TBC1D8: variants seen among roughly 807,000 people sequenced by gnomAD.
TBC1D8 encodes the protein TBC1 domain family member 8.
In TBC1D8, 65 loss-of-function variants were observed where a neutral mutation model predicts 118.8. The ratio of observed to expected loss-of-function variants is 0.55; its 90% CI spans 0.45 to 0.67. TBC1D8 has a LOEUF of 0.67. Among genes scored for constraint, TBC1D8 ranks in the 30% least tolerant of loss-of-function variants. TBC1D8 has a pLI of 0.00. For synonymous variants in TBC1D8, 566 were observed against 595.8 expected, an observed-to-expected ratio of 0.95 and a Z score of 0.73; for missense variants, 1,376 against 1,471.2, an observed-to-expected ratio of 0.94 and a Z score of 1.06.
At chr2:101,014,837 C>T (rs1656930918) in intron 17 of TBC1D8, among the ~76,000 whole-genome samples, 1 of 152,194 alleles carries the variant, frequency 6.6e-6, no homozygotes, top group African/African-American at 2.4e-5. Flanking sequence ...ACTTGAGTGC[C>T]AAACTTCTCT....
Position 101,038,410 on chromosome 2 carries a change from C to T in TBC1D8, c.1275+51G>A, listed in dbSNP as rs1393188264. 31 of 1,587,476 alleles carry T rather than the reference C, an allele frequency of 2.0e-5. No homozygotes were observed. In the East Asian group the frequency reaches 7.0e-4, roughly 36 times the overall value. ...CCCATGTGTACTCCCCTTTGGAGAC[C>T]ACGGCCTGAGACATGAAGAAGGGGA... On this transcript the variant is annotated intron_variant, in intron 7 of 19. Coordinates refer to ENST00000409318, the MANE Select transcript of TBC1D8 (RefSeq NM_001330348.2).
chr2:101,146,640 A>G (rs1679328064), intron 1 of TBC1D8, among the ~76,000 whole-genome samples: 2 of 152,202 alleles, frequency 1.3e-5, no homozygotes, highest in South Asian at 2.1e-4. Flanking sequence ...TGATGTTTCA[A>G]TACTCATATA....
intron 1 of TBC1D8, among the ~76,000 whole-genome samples, chr2:101,127,862 G>A (rs1019250647): frequency 2.0e-5 from 3 of 152,110 alleles, no homozygotes; most frequent in African/African-American, 4.8e-5. Context: ...TCTACCCTTC[G>A]GGAGCCTAGG....
intron 1 of TBC1D8, among the ~76,000 whole-genome samples, chr2:101,103,076 C>T (rs1676960614): frequency 6.6e-6 from 1 of 151,886 alleles, no homozygotes; most frequent in Admixed American, 6.6e-5. Context: ...AAGGAAACTA[C>T]AGACTAATAG....
At chr2:101,150,673 T>A (rs1679518076) in intron 1 of TBC1D8, among the ~76,000 whole-genome samples, 1 of 152,242 alleles carries the variant, frequency 6.6e-6, no homozygotes, top group Admixed American at 6.5e-5. Context: ...CCCGCGCGCA[T>A]CGCCGCGCGC....
At chr2:101,022,668 AC>A in intron 15 of TBC1D8, 147 bp from the exon 16 acceptor site, 1 of 1,218,392 alleles carries the variant, frequency 8.2e-7, no homozygotes. Flanking sequence ...TGACATCCTT[AC>A]CCACATGAAC....
At chr2:101,104,698 G>C (rs765908251) in intron 1 of TBC1D8, among the ~76,000 whole-genome samples, 1 of 152,146 alleles carries the variant, frequency 6.6e-6, no homozygotes, top group Non-Finnish European at 1.5e-5. Flanking sequence ...ATAAACCTAC[G>C]TGTAAAACAG....
At chr2:101,056,037 TTC>T (rs1485351840) in intron 3 of TBC1D8, among the ~76,000 whole-genome samples, 1 of 145,000 alleles carries the variant, frequency 6.9e-6, no homozygotes, top group Admixed American at 6.8e-5. Flanking sequence ...TTATTAACAT[TTC>T]TCTTTTTTTT....
intron 17 of TBC1D8, chr2:101,019,312 G>T: frequency 3.2e-6 from 1 of 309,144 alleles, no homozygotes; most frequent in Non-Finnish European, 5.9e-6. Context: ...TATACTTCCT[G>T]ATCTGTGATT....
chr2:101,094,368 A>T (rs1443271919), intron 1 of TBC1D8, among the ~76,000 whole-genome samples: 2 of 152,168 alleles, frequency 1.3e-5, no homozygotes, highest in Non-Finnish European at 2.9e-5. Context: ...GTTGCAGGGG[A>T]TTGATAAAAC....
intron 1 of TBC1D8, among the ~76,000 whole-genome samples, chr2:101,099,063 A>C (rs1449133031): frequency 2.6e-5 from 4 of 152,040 alleles, no homozygotes; most frequent in Non-Finnish European, 4.4e-5. Flanking sequence ...AAAAAAAAAA[A>C]AAATCTATGA....
At chr2:101,036,229 G>A (rs549584268) in intron 8 of TBC1D8, 61 bp from the exon 9 acceptor site, 473 of 1,576,320 alleles carry the variant, frequency 3.0e-4, no homozygotes, top group Non-Finnish European at 3.8e-4. Context: ...CCCACCCACC[G>A]ATGCACCGCT....
At chr2:101,019,020 A>G (rs373067797) in intron 17 of TBC1D8, 3 of 1,612,384 alleles carry the variant, frequency 1.9e-6, no homozygotes, top group Non-Finnish European at 2.5e-6. Flanking sequence ...ACAGTGTTAC[A>G]GTCGCCAAGA....
In TBC1D8 at chr2:101,054,319, C is replaced by G; in HGVS notation, c.420G>C (p.Glu140Asp). The change falls in exon 4 of 20, where the codon GAG (glutamate) becomes GAC (aspartate). Residue 140 changes from glutamate (E) to aspartate (D), a missense_variant. By Grantham distance (45) the Glu-to-Asp change is conservative. Transcript: ENST00000409318. ...KGKVKALIAE[E>D]TSSRLAEQEE... ...CCTGCTCGGCGAGCCTGCTGCTGGT[C>G]TCCTCGGCTATCAGAGCCTGACACA... 2 of 1,565,318 alleles carry G rather than the reference C, an allele frequency of 1.3e-6. No homozygotes were observed. Among genetic ancestry groups the G allele is most frequent in the Non-Finnish European group, 1.7e-6 (2 of 1,154,284 alleles).
In TBC1D8 at chr2:101,017,726, T is replaced by C. The variant is rs929425638; in HGVS notation, c.2827+3955A>G. The C allele has an allele frequency of 3.2e-6, 3 of 947,512 alleles. No homozygotes were observed. In the African/African-American group the frequency reaches 4.9e-5, roughly 16 times the overall value. 58.7% of individuals were successfully genotyped at this position (947,512 alleles called of 1,614,324 possible). Reference sequence around the variant, plus strand: ...AACAGATATCCATGGTACATCACTTTATCACAGGCAAGATAGGGTCAAGTG... The same window carrying C: ...AACAGATATCCATGGTACATCACTTCATCACAGGCAAGATAGGGTCAAGTG... On this transcript the variant is annotated intron_variant, in intron 17 of 19. Transcript: ENST00000409318.
chr2:101,109,642 G>C (rs551619568), intron 1 of TBC1D8, among the ~76,000 whole-genome samples: 2 of 152,008 alleles, frequency 1.3e-5, no homozygotes, highest in Non-Finnish European at 2.9e-5. Flanking sequence ...TCCTACCCAC[G>C]TGCATGTTTT....
chr2:101,123,113 T>G (rs772037981), intron 1 of TBC1D8, among the ~76,000 whole-genome samples: 2 of 152,124 alleles, frequency 1.3e-5, no homozygotes, highest in East Asian at 3.9e-4. Context: ...GTGCGCACCT[T>G]GTAGTCCAAG....
chr2:101,050,740 G>C, intron 4 of TBC1D8, 99 bp from the exon 5 acceptor site: 1 of 1,442,704 alleles, frequency 6.9e-7, no homozygotes. Context: ...TTAGGCCGAT[G>C]TGTAAATGCC....
chr2:101,067,272 A>T (rs540624111), intron 2 of TBC1D8, among the ~76,000 whole-genome samples: 1 of 152,328 alleles, frequency 6.6e-6, no homozygotes, highest in South Asian at 2.1e-4. Context: ...ACTGGCCTTT[A>T]AGGCATTTTG....
Sources: gnomAD v4.1 joint callset for allele counts (sites outside exome capture counted in the v4.1 genomes callset) on GRCh38, gnomAD v4.1.1 for gene constraint, MANE v1.5 for transcripts, NCBI Gene and HGNC (gene_info 2026-07-23, HGNC 2026-07-21) for gene names.